Variants in CPM observed in about 807,000 individuals in gnomAD.
The protein encoded by CPM is renal carboxypeptidase.
In CPM, 35 loss-of-function variants were observed where a neutral mutation model predicts 46.4. The ratio of observed to expected loss-of-function variants is 0.75; its 90% CI spans 0.58 to 1.00. The LOEUF (loss-of-function observed/expected upper bound fraction) is 1.00, where lower values mean the gene tolerates loss of function less well. Ranked by LOEUF, CPM falls within the 50% of genes least tolerant of loss-of-function variation. The probability of loss-of-function intolerance (pLI) is 0.00; values close to 1 mark genes in which losing one functional copy is unlikely to be tolerated. For missense variants in CPM, 422 were observed against 530.4 expected, an observed-to-expected ratio of 0.80 and a Z score of 2.01; for synonymous variants, 195 against 195.3, an observed-to-expected ratio of 1.00 and a Z score of 0.01.
At chr12:68,860,881 T>C (rs940403347) in intron 7 of CPM, among the ~76,000 whole-genome samples, 3 of 151,718 alleles carry the variant, frequency 2.0e-5, no homozygotes, top group Non-Finnish European at 4.4e-5. Flanking sequence ...CTTTCCTTTC[T>C]TCTTCTTTTT....
At chr12:68,910,383 G>C (rs1245553687) in intron 2 of CPM, among the ~76,000 whole-genome samples, 1 of 152,124 alleles carries the variant, frequency 6.6e-6, no homozygotes, top group Non-Finnish European at 1.5e-5. Flanking sequence ...GTAGACGTGT[G>C]TATACAGCAT....
At chr12:68,891,333 C>A (rs959316889) in intron 2 of CPM, among the ~76,000 whole-genome samples, 51 of 152,164 alleles carry the variant, frequency 3.4e-4, no homozygotes, top group African/African-American at 1.2e-3. Context: ...GTTCACACGC[C>A]CTCTGTATTT....
intron 7 of CPM, 59 bp from the exon 8 acceptor site, chr12:68,859,130 T>C (rs1885102932): frequency 1.1e-6 from 1 of 931,334 alleles, no homozygotes; most frequent in Non-Finnish European, 1.4e-6. Flanking sequence ...ATAAAAATTA[T>C]TATAAATATT....
chr12:68,845,004 G>A (rs1255547940), intron 5 of CPM: 1 of 195,898 alleles, frequency 5.1e-6, no homozygotes, highest in Non-Finnish European at 1.1e-5. Flanking sequence ...CTGACCTCAA[G>A]TGATCTGCCC....
At chr12:68,868,846 T>C (rs903283624) in intron 6 of CPM, among the ~76,000 whole-genome samples, 1 of 152,194 alleles carries the variant, frequency 6.6e-6, no homozygotes, top group African/African-American at 2.4e-5. Context: ...AATAATTAGC[T>C]AGATCTAGTA....
At chr12:68,848,512 TA>T (rs894286751), downstream of CPM, 5 of 152,022 alleles carry the variant, frequency 3.3e-5, no homozygotes, top group African/African-American at 1.2e-4. Context: ...GTTTGTGCAA[TA>T]AATGGCAAAA....
At chr12:68,894,831 T>A (rs1886802070) in intron 2 of CPM, among the ~76,000 whole-genome samples, 1 of 151,904 alleles carries the variant, frequency 6.6e-6, no homozygotes, top group Admixed American at 6.6e-5. Context: ...GGTCAGGAGT[T>A]TGAGACCAGC....
rs138147282 is a variant in CPM, at chr12:68,898,499, C to T, written c.161-12610G>A. Among the ~76,000 whole-genome samples, 21 of 152,192 alleles carry T rather than the reference C, an allele frequency of 1.4e-4. No homozygotes were observed. In the East Asian group the frequency reaches 3.1e-3, roughly 22 times the overall value. On this transcript the variant is annotated intron_variant, in intron 2 of 8. Coordinates refer to ENST00000551568, the MANE Select transcript of CPM (RefSeq NM_198320.5). ...ATAGCAGGAGAGGCCTTGAAGTTAC[C>T]AAAATTAGGTTCCCTAACCGGAACA...
chr12:68,864,197 C>G (rs924844846), intron 7 of CPM, among the ~76,000 whole-genome samples: 1 of 152,238 alleles, frequency 6.6e-6, no homozygotes, highest in Admixed American at 6.5e-5. Flanking sequence ...GTAATCCCAG[C>G]ACTCTGGGAG....
intron 1 of CPM, among the ~76,000 whole-genome samples, chr12:68,961,288 G>A (rs868202017): frequency 6.3e-4 from 96 of 152,220 alleles, no homozygotes; most frequent in African/African-American, 2.2e-3. Context: ...TGGGACTGCA[G>A]GCACATGCCC....
At chr12:68,946,919 T>C (rs1888857337) in intron 1 of CPM, among the ~76,000 whole-genome samples, 2 of 152,332 alleles carry the variant, frequency 1.3e-5, no homozygotes, top group East Asian at 1.9e-4. Flanking sequence ...TTCTTGACTC[T>C]GAAAAACACA....
chr12:68,901,013 G>C (rs897301995), intron 2 of CPM, among the ~76,000 whole-genome samples: 7 of 152,196 alleles, frequency 4.6e-5, no homozygotes, highest in Non-Finnish European at 8.8e-5. Flanking sequence ...CCACTCTGGT[G>C]GGGGATATTG....
At chr12:68,871,246 T>A (rs1288765252) in intron 4 of CPM, among the ~76,000 whole-genome samples, 1 of 152,218 alleles carries the variant, frequency 6.6e-6, no homozygotes, top group Non-Finnish European at 1.5e-5. Flanking sequence ...TGCCAGGCAC[T>A]GCGGATCTAA....
chr12:68,860,453 T>TTTAA (rs977473394), intron 7 of CPM, among the ~76,000 whole-genome samples: 4 of 152,180 alleles, frequency 2.6e-5, no homozygotes, highest in Admixed American at 2.0e-4. Flanking sequence ...TTTTGTTTTA[T>TTTAA]TTAATTAATT....
intron 2 of CPM, among the ~76,000 whole-genome samples, chr12:68,924,566 G>A (rs959815798): frequency 5.9e-5 from 9 of 151,652 alleles, no homozygotes; most frequent in Non-Finnish European, 1.0e-4. Flanking sequence ...GTCTCAGAAA[G>A]GTACTCTGCG....
intron 4 of CPM, among the ~76,000 whole-genome samples, chr12:68,871,378 A>G (rs967781530): frequency 2.4e-4 from 37 of 152,260 alleles, no homozygotes; most frequent in African/African-American, 8.9e-4. Context: ...GTGCCAGGTG[A>G]TGTGAGAGTT....
chr12:68,939,831 A>C (rs975068937), intron 1 of CPM, among the ~76,000 whole-genome samples: 1 of 152,138 alleles, frequency 6.6e-6, no homozygotes, highest in African/African-American at 2.4e-5. Flanking sequence ...TCTCTTTTAA[A>C]AATGTTTGCC....
In CPM at chr12:68,855,148, CCATGCCTGGCCAA is replaced by C. The variant is rs1421860231; in HGVS notation, c.*1276_*1288del. 1 of 152,304 alleles carries C rather than the reference CCATGCCTGGCCAA, an allele frequency of 6.6e-6. No individual in the cohort carries two copies. Among genetic ancestry groups the C allele is most frequent in the Non-Finnish European group, 1.5e-5 (1 of 68,208 alleles). The allele number at this position is 152,304 out of a possible 1,614,324, so 9.4% of individuals were successfully genotyped here. A position where few individuals can be genotyped will look rare whatever the true frequency, so the allele number is the denominator to read the frequency against. ...ATGCTGGGATTACAGGCATGAGCCACCATGCCTGGCCAACACCAACCTTTAGTTACTTGCTGAA... is the reference window on the plus strand; with the variant it reads ...ATGCTGGGATTACAGGCATGAGCCACCACCAACCTTTAGTTACTTGCTGAA... On this transcript the variant is annotated 3_prime_UTR_variant, in exon 9 of 9. Transcript: ENST00000551568.
At chr12:68,899,744 C>T (rs1231125333) in intron 2 of CPM, among the ~76,000 whole-genome samples, 1 of 152,218 alleles carries the variant, frequency 6.6e-6, no homozygotes, top group Admixed American at 6.5e-5. Context: ...ATTCTGGGAA[C>T]TACTGGAGAA....
Sources: allele counts gnomAD v4.1 joint callset (sites outside exome capture counted in the v4.1 genomes callset), GRCh38; gene constraint gnomAD v4.1.1; transcripts MANE v1.5; gene names NCBI Gene and HGNC (gene_info 2026-07-23, HGNC 2026-07-21).